Variants in GMPS observed in about 807,000 individuals in gnomAD.
GMPS encodes guanosine monophosphate synthase.
Under a neutral mutation model 77.9 loss-of-function variants are expected in GMPS, and 15 were observed. The observed-to-expected ratio is 0.19, with a 90% CI of 0.13 to 0.30. The LOEUF is 0.30. Among genes scored for constraint, GMPS ranks in the 10% least tolerant of loss-of-function variants. GMPS has a pLI of 1.00. For synonymous variants in GMPS, 224 were observed against 275.9 expected (o/e 0.81, Z 1.86); for missense variants, 590 against 838.8 (o/e 0.70, Z 3.66).
Position 155,925,301 on chromosome 3 carries a change from A to T in GMPS, c.1495A>T (p.Met499Leu), listed in dbSNP as rs2108131081. 6.2e-7 allele frequency: 1 copy of T among 1,611,642 alleles called. No homozygotes were observed. Among genetic ancestry groups the T allele is most frequent in the South Asian group, 1.1e-5 (1 of 91,012 alleles). The change falls in exon 12 of 16, where the codon ATG (methionine) becomes TTG (leucine). Residue 499 changes from methionine to leucine, a missense_variant. This residue lies in a region of GMPS where 89 missense variants were observed against 95.9 expected (regional missense o/e 0.93). Transcript: ENST00000496455. ...AACAGAAGAGGATCAGGAGAAGCTG[A>T]TGCAAATTACCAGTCTGCATTCACT... is the stretch of plus-strand genomic sequence containing the variant. Reference protein sequence around the residue: ...CTTEEDQEKLMQITSLHSLNA... With the variant: ...CTTEEDQEKLLQITSLHSLNA...
At chr3:155,914,737 T>G (rs1287801995) in intron 8 of GMPS, among the ~76,000 whole-genome samples, 167 bp downstream of exon 8, 1 of 152,070 alleles carries the variant, frequency 6.6e-6, no homozygotes, top group African/African-American at 2.4e-5. Context: ...CAGTAGAAAC[T>G]GTTTTATGTT....
At chr3:155,885,487 A>C (rs944716342) in intron 1 of GMPS, among the ~76,000 whole-genome samples, 2 of 152,342 alleles carry the variant, frequency 1.3e-5, no homozygotes, top group Admixed American at 6.5e-5. Context: ...CCAAATGTAG[A>C]TCTAATATTG....
intron 9 of GMPS, among the ~76,000 whole-genome samples, chr3:155,916,679 T>C (rs1456635042): frequency 1.3e-5 from 2 of 152,192 alleles, no homozygotes; most frequent in Non-Finnish European, 2.9e-5. Context: ...CTGATGGGCT[T>C]TTGGGTTATT....
At chr3:155,897,845 C>T (rs957749105) in intron 2 of GMPS, 82 bp from the exon 3 acceptor site, 3 of 726,286 alleles carry the variant, frequency 4.1e-6, no homozygotes, top group African/African-American at 1.7e-5. Context: ...TGTTGTTTCC[C>T]TCAGTGGTAC....
At chr3:155,875,481 T>C (rs560353957) in intron 1 of GMPS, among the ~76,000 whole-genome samples, 1 of 152,374 alleles carries the variant, frequency 6.6e-6, no homozygotes, top group East Asian at 1.9e-4. Context: ...TCCACCGGCC[T>C]CACCTCCCAA....
At chr3:155,909,944 T>TA (rs1754986079) in intron 5 of GMPS, among the ~76,000 whole-genome samples, 1 of 144,248 alleles carries the variant, frequency 6.9e-6, no homozygotes, top group African/African-American at 2.6e-5. Flanking sequence ...ATACCCTGTC[T>TA]AAAAAATAAA....
In GMPS at chr3:155,922,570, A is replaced by T. The variant is rs145956168; in HGVS notation, c.1434+268A>T. On this transcript the variant is annotated intron_variant, in intron 11 of 15. Transcript: ENST00000496455. ...ATGTGTATTTCAAGATAGTAAGGGAAATCCTTTGAGTCAGGAATTTATTGG... is the reference window on the plus strand; with the variant it reads ...ATGTGTATTTCAAGATAGTAAGGGATATCCTTTGAGTCAGGAATTTATTGG... Among the ~76,000 whole-genome samples, 479 of 152,316 alleles carry T rather than the reference A, an allele frequency of 3.1e-3. 2 individuals are homozygous for T. Among genetic ancestry groups the T allele is most frequent in the Non-Finnish European group, 4.4e-3 (299 of 68,012 alleles).
intron 1 of GMPS, among the ~76,000 whole-genome samples, chr3:155,883,430 T>G (rs1754255972): frequency 6.6e-6 from 1 of 152,202 alleles, no homozygotes; most frequent in Admixed American, 6.5e-5. Flanking sequence ...TTAGGAATAG[T>G]GATCACGTGA....
intron 12 of GMPS, among the ~76,000 whole-genome samples, chr3:155,930,827 A>T (rs1454331253): frequency 6.6e-6 from 1 of 152,048 alleles, no homozygotes; most frequent in Non-Finnish European, 1.5e-5. Context: ...TCATAATTTT[A>T]TTTTATTTTT....
chr3:155,927,719 C>T (rs1391436403), intron 12 of GMPS, among the ~76,000 whole-genome samples: 1 of 152,104 alleles, frequency 6.6e-6, no homozygotes, highest in Non-Finnish European at 1.5e-5. Flanking sequence ...TATTTCTACT[C>T]TCCAGTTAAG....
intron 5 of GMPS, among the ~76,000 whole-genome samples, chr3:155,907,672 T>C (rs1242574704): frequency 2.0e-5 from 3 of 152,084 alleles, no homozygotes; most frequent in Non-Finnish European, 2.9e-5. Flanking sequence ...AATAAAGAAA[T>C]ACAGAATATG....
upstream of GMPS, chr3:155,870,586 G>A (rs1054110721): frequency 1.0e-5 from 4 of 386,578 alleles, no homozygotes; most frequent in Admixed American, 4.7e-5. Context: ...AGGCTCGGCT[G>A]CCAAGCCGAA....
chr3:155,880,194 A>G (rs1166380309), intron 1 of GMPS, among the ~76,000 whole-genome samples: 1 of 152,120 alleles, frequency 6.6e-6, no homozygotes, highest in Admixed American at 6.6e-5. Flanking sequence ...TTTTCTTATA[A>G]AAGTTTTGTA....
chr3:155,871,911 A>G (rs1363362121), intron 1 of GMPS, among the ~76,000 whole-genome samples: 4 of 152,194 alleles, frequency 2.6e-5, no homozygotes, highest in Non-Finnish European at 5.9e-5. Flanking sequence ...CCTCTGTATT[A>G]AAATTTTCAT....
intron 9 of GMPS, 37 bp from the exon 10 acceptor site, chr3:155,919,196 A>T: frequency 2.4e-6 from 2 of 839,496 alleles, no homozygotes; most frequent in Non-Finnish European, 3.9e-6. Context: ...CATCTTGGTT[A>T]CTAGTTTATA....
chr3:155,909,589 T>C (rs1221612341), intron 5 of GMPS, among the ~76,000 whole-genome samples: 1 of 152,220 alleles, frequency 6.6e-6, no homozygotes, highest in Non-Finnish European at 1.5e-5. Flanking sequence ...ATGTAGTTTT[T>C]GTCTTTGTTA....
At chr3:155,930,741 G>A (rs1197499773) in intron 12 of GMPS, among the ~76,000 whole-genome samples, 2 of 152,186 alleles carry the variant, frequency 1.3e-5, no homozygotes, top group Non-Finnish European at 2.9e-5. Flanking sequence ...TTTATGAATT[G>A]TTTTTGTCTC....
At chr3:155,925,211 C>A (rs2108130528) in intron 11 of GMPS, 30 bp from the exon 12 acceptor site, 1 of 1,588,446 alleles carries the variant, frequency 6.3e-7, no homozygotes, top group Non-Finnish European at 8.6e-7. Context: ...TTTCTTAAAA[C>A]TGAAAAAATG....
chr3:155,914,413 C>T lies in GMPS; in HGVS notation c.887-6C>T. The T allele has an allele frequency of 1.3e-6, 2 of 1,530,654 alleles. No individual in the cohort carries two copies. The highest frequency in any genetic ancestry group is 1.7e-6 in the Non-Finnish European group (2 of 1,142,886). 94.8% of individuals were successfully genotyped at this position (1,530,654 alleles called of 1,614,324 possible). A position where few individuals can be genotyped will look rare whatever the true frequency, so the allele number is the denominator to read the frequency against. The stretch of plus-strand genomic sequence containing the variant: ...CAATTTAAAACGCTTCTCCCCTTTC[C>T]TCCAGTGATAAATGCTGCTCATTCT... On this transcript the variant is annotated splice_region_variant and splice_polypyrimidine_tract_variant and intron_variant, in intron 7 of 15. Transcript: ENST00000496455.
Sources: allele counts gnomAD v4.1 joint callset (sites outside exome capture counted in the v4.1 genomes callset), GRCh38; gene constraint gnomAD v4.1.1; regional missense constraint gnomAD v4.1.1; transcripts MANE v1.5; gene names NCBI Gene and HGNC (gene_info 2026-07-23, HGNC 2026-07-21).